Variants in NADSYN1 observed in about 807,000 individuals in gnomAD.
The protein encoded by NADSYN1 is glutamine-dependent NAD(+) synthetase.
NADSYN1 carries 80 observed loss-of-function variants against 99.3 expected under a neutral mutation model. The ratio of observed to expected loss-of-function variants is 0.81; its 90% CI spans 0.67 to 0.97. The LOEUF (loss-of-function observed/expected upper bound fraction) is 0.97. Ranked by LOEUF, NADSYN1 falls within the 50% of genes least tolerant of loss-of-function variation. The probability of loss-of-function intolerance (pLI) is 0.00; values close to 1 mark genes in which losing one functional copy is unlikely to be tolerated. For synonymous variants in NADSYN1, 385 were observed against 372.1 expected, an observed-to-expected ratio of 1.03 and a Z score of -0.40; for missense variants, 859 against 948.5, an observed-to-expected ratio of 0.91 and a Z score of 1.24.
chr11:71,464,002 C>G, intron 4 of NADSYN1, 51 bp from the exon 5 acceptor site: 1 of 1,459,400 alleles, frequency 6.9e-7, no homozygotes, highest in Non-Finnish European at 9.5e-7. Context: ...CCGCCAGTGG[C>G]ACGTTCATCT....
intron 3 of NADSYN1, among the ~76,000 whole-genome samples, chr11:71,461,423 A>G (rs983086657): frequency 2.6e-5 from 4 of 151,904 alleles, no homozygotes; most frequent in Admixed American, 1.3e-4. Flanking sequence ...ACACTTTTTT[A>G]TTTATTTTTA....
At chr11:71,458,367 C>A (rs1591120776) in intron 2 of NADSYN1, 61 bp from the exon 3 acceptor site, 4 of 1,314,688 alleles carry the variant, frequency 3.0e-6, no homozygotes, top group East Asian at 4.6e-5. Flanking sequence ...GGCCCACAGG[C>A]CCTGCCCCTC....
At chr11:71,497,666 G>C (rs1296807008) in intron 19 of NADSYN1, 55 bp downstream of exon 19, 1 of 1,610,294 alleles carries the variant, frequency 6.2e-7, no homozygotes, top group Non-Finnish European at 8.5e-7. Flanking sequence ...TGTCCCCTTT[G>C]CAGAGGCCGG....
In NADSYN1 at chr11:71,477,429, C is replaced by A. The variant is rs1259875103; in HGVS notation, c.799-966C>A. On this transcript the variant is annotated intron_variant, in intron 9 of 20. Transcript: ENST00000319023. ...TCGGTCTCCTTGTCTTCATGGGCAT[C>A]TCCGGCCAGGTATGGCCCCCTGTTA... 3 of 1,289,678 alleles carry A rather than the reference C, an allele frequency of 2.3e-6. No homozygotes were observed. The African/African-American group carries it at 4.6e-5, about 20-fold the overall frequency. 79.9% of individuals were successfully genotyped at this position (1,289,678 alleles called of 1,614,324 possible).
chr11:71,486,478 C>A (rs1019299879), intron 16 of NADSYN1, among the ~76,000 whole-genome samples: 1 of 151,442 alleles, frequency 6.6e-6, no homozygotes, highest in African/African-American at 2.4e-5. Flanking sequence ...CACCCACTCA[C>A]CCACTCATCC....
rs755288237 is a variant in NADSYN1, at chr11:71,473,384, G to C, written c.548+18G>C. On this transcript the variant is annotated intron_variant, in intron 7 of 20. Coordinates refer to ENST00000319023, the MANE Select transcript of NADSYN1 (RefSeq NM_018161.5). ...CCCCACAGGTCAGCCCCATGCCCCT[G>C]TGCTGTCTGATCGCCCACCTCATAT... is the stretch of plus-strand genomic sequence containing the variant. The C allele has an allele frequency of 6.2e-7, 1 of 1,613,062 alleles. No individual in the cohort carries two copies. The highest frequency in any genetic ancestry group is 8.5e-7 in the Non-Finnish European group (1 of 1,179,100).
intron 9 of NADSYN1, chr11:71,474,940 G>T (rs974684594): frequency 2.1e-5 from 6 of 280,678 alleles, no homozygotes; most frequent in African/African-American, 1.1e-4. Flanking sequence ...CCCACAGTGC[G>T]GGAGGAGGGC....
intron 14 of NADSYN1, 128 bp downstream of exon 14, chr11:71,483,145 T>TGAC: frequency 1.7e-6 from 2 of 1,164,366 alleles, no homozygotes; most frequent in Non-Finnish European, 2.5e-6. Context: ...ACTATGTGGA[T>TGAC]AAACGTGTAA....
rs773674656 is a variant in NADSYN1 at position 71,481,987 on chromosome 11, C to G, written c.1112C>G (p.Ser371Cys). The G allele has an allele frequency of 1.9e-6, 3 of 1,612,358 alleles. No individual in the cohort carries two copies. The highest frequency in any genetic ancestry group is 2.5e-6 in the Non-Finnish European group (3 of 1,179,266). The change falls in exon 13 of 21, where the codon TCC (serine) becomes TGC (cysteine). Residue 371 changes from serine (S) to cysteine (C), a missense_variant. By Grantham distance (112) the Ser-to-Cys change is moderately radical. Coordinates refer to ENST00000319023, the MANE Select transcript of NADSYN1 (RefSeq NM_018161.5). The part of the protein sequence containing the change: ...DSAATACLIY[S>C]MCCQVCEAVR... ...GCAGCCACCGCCTGCCTCATCTACT[C>G]CATGTGCTGCCAGGTCTGCGAGGCC...
chr11:71,458,601 C>T lies in NADSYN1; in HGVS notation c.263+57C>T, dbSNP rs545230724. 98 of 1,282,470 alleles carry T rather than the reference C, an allele frequency of 7.6e-5. 1 individual carries two copies. Among genetic ancestry groups the T allele is most frequent in the East Asian group, 4.6e-5 (2 of 43,264 alleles). 79.4% of individuals were successfully genotyped at this position (1,282,470 alleles called of 1,614,324 possible). ...CCTGGGACAAAGGCAAGCTCAAGGGCATGACCCACCCAACCGGCCTCCATC... is the reference window on the plus strand; with the variant it reads ...CCTGGGACAAAGGCAAGCTCAAGGGTATGACCCACCCAACCGGCCTCCATC... On this transcript the variant is annotated intron_variant, in intron 3 of 20. Transcript: ENST00000319023.
intron 5 of NADSYN1, among the ~76,000 whole-genome samples, chr11:71,467,116 G>A (rs768268232): frequency 6.6e-6 from 1 of 152,210 alleles, no homozygotes; most frequent in Non-Finnish European, 1.5e-5. Context: ...CTGGTGCTTG[G>A]TGGAGGGGGA....
intron 11 of NADSYN1, chr11:71,481,088 G>A (rs1171278634): frequency 4.3e-6 from 3 of 703,020 alleles, no homozygotes; most frequent in African/African-American, 3.6e-5. Context: ...TCCCCGTGCT[G>A]TGACCTTGGG....
chr11:71,479,745 G>C (rs1482857262), intron 10 of NADSYN1: 2 of 152,262 alleles, frequency 1.3e-5, no homozygotes, highest in African/African-American at 4.8e-5. Context: ...GGACCCAGGA[G>C]CCTGCACCGA....
At chr11:71,468,625 CAG>C (rs773734178) in intron 5 of NADSYN1, among the ~76,000 whole-genome samples, 2 of 152,114 alleles carry the variant, frequency 1.3e-5, no homozygotes, top group Non-Finnish European at 2.9e-5. Context: ...AAGTAGGACT[CAG>C]AGATAGCACA....
At chr11:71,483,150 G>A (rs939696863) in intron 14 of NADSYN1, 133 bp downstream of exon 14, 12 of 1,097,882 alleles carry the variant, frequency 1.1e-5, no homozygotes, top group South Asian at 9.0e-5. Flanking sequence ...GTGGATAAAC[G>A]TGTAAGTGCT....
intron 2 of NADSYN1, among the ~76,000 whole-genome samples, chr11:71,456,560 C>T (rs981198595): frequency 2.0e-5 from 3 of 152,188 alleles, no homozygotes; most frequent in Non-Finnish European, 4.4e-5. Flanking sequence ...CAGCCCAGTC[C>T]CCCTGGCCTG....
At chr11:71,460,793 C>G (rs1280138658) in intron 3 of NADSYN1, 1 of 152,216 alleles carries the variant, frequency 6.6e-6, no homozygotes, top group Non-Finnish European at 1.5e-5. Flanking sequence ...AACTTCCATC[C>G]TGCATCGTTT....
At chr11:71,492,320 T>G (rs911614012) in intron 18 of NADSYN1, among the ~76,000 whole-genome samples, 4 of 152,156 alleles carry the variant, frequency 2.6e-5, no homozygotes, top group Admixed American at 2.0e-4. Flanking sequence ...GCTGTGGGCT[T>G]TTTATGATAA....
At chr11:71,468,326 A>G (rs979820596) in intron 5 of NADSYN1, among the ~76,000 whole-genome samples, 34 of 152,224 alleles carry the variant, frequency 2.2e-4, no homozygotes, top group Admixed American at 2.1e-3. Context: ...GACTGTATGA[A>G]ACATAATGTC....
Sources: allele counts gnomAD v4.1 joint callset (sites outside exome capture counted in the v4.1 genomes callset), GRCh38; gene constraint gnomAD v4.1.1; transcripts MANE v1.5; gene names NCBI Gene and HGNC (gene_info 2026-07-23, HGNC 2026-07-21).